Variants in IMMP2L observed in about 807,000 individuals in gnomAD.
The protein encoded by IMMP2L is inner mitochondrial membrane peptidase subunit 2, also known as mitochondrial inner membrane protease subunit 2.
Under a neutral mutation model 19.3 loss-of-function variants are expected in IMMP2L, and 18 were observed. That is an observed-to-expected ratio of 0.93 (90% CI 0.64 to 1.38). The LOEUF is 1.38. Ranked by LOEUF, IMMP2L falls within the 40% of genes most tolerant of loss-of-function variation. The pLI, the probability that IMMP2L is intolerant of heterozygous loss-of-function variation, is 0.00. For missense variants in IMMP2L, 233 were observed against 218.2 expected, an observed-to-expected ratio of 1.07 and a Z score of -0.43; for synonymous variants, 76 against 73.0, an observed-to-expected ratio of 1.04 and a Z score of -0.21.
rs762585924 is a variant in IMMP2L at position 110,663,616 on chromosome 7, T to A, written c.514A>T (p.Arg172Ter). 1 of 1,613,490 alleles carries A rather than the reference T, an allele frequency of 6.2e-7. No homozygotes were observed. Among genetic ancestry groups the A allele is most frequent in the South Asian group, 1.1e-5 (1 of 91,046 alleles). Residue 172 changes from arginine (R) to a stop codon, truncating the protein, a stop_gained, in exon 6 of 6, where the codon AGA becomes TGA. Transcript: ENST00000405709. LOFTEE classifies it high-confidence loss of function. Reference protein sequence around the residue: ...VLPPERLPVQREEE With the variant: ...VLPPERLPVQ ...GATTCATGCAGTCATTCCTCTTCTC[T>A]CTGTACTGGTAAGCGCTCTGGAGGA... is the stretch of plus-strand genomic sequence containing the variant.
chr7:111,067,919 G>C (rs181799195), intron 3 of IMMP2L, among the ~76,000 whole-genome samples: 148 of 152,282 alleles, frequency 9.7e-4, no homozygotes, highest in Non-Finnish European at 1.6e-3. Flanking sequence ...ATCGCAGCAA[G>C]AGATTAAGGA....
chr7:110,716,179 C>A (rs1297420637), intron 5 of IMMP2L, among the ~76,000 whole-genome samples: 1 of 151,856 alleles, frequency 6.6e-6, no homozygotes, highest in African/African-American at 2.4e-5. Flanking sequence ...AATGGAAGGA[C>A]TATGGATATC....
chr7:110,965,256 T>A (rs1819410201), intron 3 of IMMP2L, among the ~76,000 whole-genome samples: 1 of 152,064 alleles, frequency 6.6e-6, no homozygotes, highest in Non-Finnish European at 1.5e-5. Flanking sequence ...ATATTTTAAA[T>A]TCAAGTCACA....
chr7:110,857,832 C>G (rs1315147541), intron 5 of IMMP2L, among the ~76,000 whole-genome samples: 1 of 151,976 alleles, frequency 6.6e-6, no homozygotes, highest in Admixed American at 6.6e-5. Context: ...ATTTTGATAA[C>G]TATCAGAAAA....
At chr7:111,101,278 T>C (rs566451883) in intron 3 of IMMP2L, among the ~76,000 whole-genome samples, 2 of 151,638 alleles carry the variant, frequency 1.3e-5, no homozygotes, top group South Asian at 2.1e-4. Flanking sequence ...GACCATGATA[T>C]AGATACATCC....
intron 3 of IMMP2L, among the ~76,000 whole-genome samples, chr7:111,112,362 A>G (rs1799338495): frequency 6.6e-6 from 1 of 152,208 alleles, no homozygotes; most frequent in Non-Finnish European, 1.5e-5. Flanking sequence ...CAAGAACTTT[A>G]ACTCTGTCTG....
intron 5 of IMMP2L, among the ~76,000 whole-genome samples, chr7:110,831,098 G>A (rs1803934513): frequency 6.6e-6 from 1 of 152,122 alleles, no homozygotes; most frequent in African/African-American, 2.4e-5. Context: ...AAGGAGTGAG[G>A]TCTGGCTTCC....
intron 3 of IMMP2L, among the ~76,000 whole-genome samples, chr7:110,979,582 T>G (rs576331736): frequency 6.6e-6 from 1 of 152,132 alleles, no homozygotes; most frequent in African/African-American, 2.4e-5. Context: ...GTGACCAACA[T>G]GGCACATGTA....
chr7:110,763,520 A>G (rs1798476565), intron 5 of IMMP2L, among the ~76,000 whole-genome samples: 1 of 152,116 alleles, frequency 6.6e-6, no homozygotes, highest in South Asian at 2.1e-4. Flanking sequence ...CATCTCAAAT[A>G]TCTGGCTATA....
chr7:111,265,613 C>G (rs1480945819), intron 3 of IMMP2L, among the ~76,000 whole-genome samples: 1 of 151,996 alleles, frequency 6.6e-6, no homozygotes. Context: ...GAAGAACATT[C>G]CTAAAAGAAA....
At chr7:110,808,338 A>G (rs1801771263) in intron 5 of IMMP2L, among the ~76,000 whole-genome samples, 1 of 152,078 alleles carries the variant, frequency 6.6e-6, no homozygotes, top group South Asian at 2.1e-4. Flanking sequence ...TAACAATCTC[A>G]GTACATCTGC....
chr7:111,271,155 T>A (rs1818422332), intron 3 of IMMP2L, among the ~76,000 whole-genome samples: 1 of 152,068 alleles, frequency 6.6e-6, no homozygotes, highest in Admixed American at 6.6e-5. Context: ...AAGGGGTTTT[T>A]CCCCCTTTTG....
intron 3 of IMMP2L, chr7:111,411,541 C>A: frequency 2.6e-6 from 1 of 380,202 alleles, no homozygotes. Context: ...CCAGAGGTAT[C>A]TACAAGACCC....
chr7:111,550,839 C>T (rs1374183412), intron 1 of IMMP2L, among the ~76,000 whole-genome samples: 2 of 151,956 alleles, frequency 1.3e-5, no homozygotes, highest in Admixed American at 1.3e-4. Context: ...TATACTGAGT[C>T]CAAAGACAGG....
At chr7:111,021,240 A>G (rs1418722900) in intron 3 of IMMP2L, among the ~76,000 whole-genome samples, 10 of 152,178 alleles carry the variant, frequency 6.6e-5, no homozygotes, top group Non-Finnish European at 1.3e-4. Context: ...TATCCAGCTC[A>G]TCTTTCCGCC....
chr7:111,073,401 T>C (rs1157270769), intron 3 of IMMP2L, among the ~76,000 whole-genome samples: 3 of 152,152 alleles, frequency 2.0e-5, no homozygotes, highest in Non-Finnish European at 4.4e-5. Flanking sequence ...CTTGCATATT[T>C]TTTACAAGTT....
chr7:111,378,297 G>T (rs538071388), intron 3 of IMMP2L, among the ~76,000 whole-genome samples: 40 of 151,904 alleles, frequency 2.6e-4, no homozygotes, highest in African/African-American at 9.2e-4. Context: ...GATTGTATTG[G>T]CACTCAAAGG....
At chr7:111,036,798 A>G (rs1341448659) in intron 3 of IMMP2L, among the ~76,000 whole-genome samples, 1 of 152,184 alleles carries the variant, frequency 6.6e-6, no homozygotes, top group Admixed American at 6.5e-5. Context: ...TGGATAGGTA[A>G]ATAAGTGGCT....
chr7:110,878,304 G>A (rs1039659869), intron 5 of IMMP2L, among the ~76,000 whole-genome samples: 2 of 152,098 alleles, frequency 1.3e-5, no homozygotes, highest in Non-Finnish European at 2.9e-5. Flanking sequence ...TGACAAGCAC[G>A]TAGAAATTGA....
Sources: gnomAD v4.1 joint callset for allele counts (sites outside exome capture counted in the v4.1 genomes callset) on GRCh38, gnomAD v4.1.1 for gene constraint, MANE v1.5 for transcripts, NCBI Gene and HGNC (gene_info 2026-07-23, HGNC 2026-07-21) for gene names.